Variants in GNA13 observed in about 807,000 individuals in gnomAD.
The protein encoded by GNA13 is guanine nucleotide-binding protein subunit alpha-13.
GNA13 carries 4 observed loss-of-function variants against 33.5 expected under a neutral mutation model. The observed-to-expected ratio is 0.12, with a 90% CI of 0.06 to 0.27. GNA13 has a LOEUF of 0.27. Ranked by LOEUF, GNA13 falls within the 10% of genes least tolerant of loss-of-function variation. The probability of loss-of-function intolerance (pLI) is 1.00; values close to 1 mark genes in which losing one functional copy is unlikely to be tolerated. For missense variants in GNA13, 319 were observed against 487.2 expected, an observed-to-expected ratio of 0.65 and a Z score of 3.25; for synonymous variants, 176 against 183.8, an observed-to-expected ratio of 0.96 and a Z score of 0.34.
intron 1 of GNA13, among the ~76,000 whole-genome samples, 161 bp downstream of exon 1, chr17:65,056,150 G>A (rs1294614496): frequency 1.3e-5 from 2 of 151,802 alleles, no homozygotes; most frequent in Non-Finnish European, 2.9e-5. Flanking sequence ...CCCCGGGCGG[G>A]CAGGGCCAGT....
At chr17:65,027,263 A>G (rs1906824119) in intron 2 of GNA13, among the ~76,000 whole-genome samples, 1 of 151,122 alleles carries the variant, frequency 6.6e-6, no homozygotes, top group South Asian at 2.1e-4. Flanking sequence ...CAAATCATCC[A>G]GATTTATTTA....
chr17:65,044,750 T>C (rs1907593049), intron 2 of GNA13, among the ~76,000 whole-genome samples: 1 of 151,772 alleles, frequency 6.6e-6, no homozygotes, highest in African/African-American at 2.4e-5. Flanking sequence ...TCAAAGGAGT[T>C]CATAAAAAGT....
chr17:65,026,218 A>G (rs922661845), intron 2 of GNA13, among the ~76,000 whole-genome samples: 1 of 151,538 alleles, frequency 6.6e-6, no homozygotes, highest in African/African-American at 2.4e-5. Flanking sequence ...AAAAAAAACC[A>G]TAAGACAACA....
At chr17:65,019,486 T>A (rs1424049635) in intron 2 of GNA13, among the ~76,000 whole-genome samples, 1 of 152,160 alleles carries the variant, frequency 6.6e-6, no homozygotes, top group Non-Finnish European at 1.5e-5. Context: ...CCTATTTAGC[T>A]ATAAAAAAGA....
intron 1 of GNA13, chr17:65,055,897 G>A (rs1908034309): frequency 8.0e-6 from 2 of 250,722 alleles, no homozygotes; most frequent in East Asian, 1.7e-4. Flanking sequence ...CACATCGCCC[G>A]AGCAGGGGAT....
At chr17:65,018,398 C>T in intron 2 of GNA13, 95 bp from the exon 3 acceptor site, 2 of 715,872 alleles carry the variant, frequency 2.8e-6, no homozygotes, top group Admixed American at 2.2e-5. Context: ...GTACACTTAA[C>T]CCAAACAGAC....
intron 2 of GNA13, among the ~76,000 whole-genome samples, chr17:65,037,777 G>GAAAAAAAATAAAAA (rs145051963): frequency 1.2e-5 from 1 of 82,042 alleles, no homozygotes; most frequent in Non-Finnish European, 2.1e-5. Context: ...CTACAAAAAT[G>GAAAAAAAATAAAAA]GAAAAAAAAA....
At chr17:65,031,015 T>C (rs375356156) in intron 2 of GNA13, among the ~76,000 whole-genome samples, 102 of 152,350 alleles carry the variant, frequency 6.7e-4, no homozygotes, top group Middle Eastern at 6.8e-3. Context: ...AACCTAAGTA[T>C]ACATGTGATT....
chr17:65,035,626 T>C (rs1019048383), intron 2 of GNA13, among the ~76,000 whole-genome samples: 5 of 152,204 alleles, frequency 3.3e-5, no homozygotes, highest in African/African-American at 1.2e-4. Flanking sequence ...CTCTTCAGTT[T>C]TCACATAATG....
intron 2 of GNA13, among the ~76,000 whole-genome samples, chr17:65,024,250 C>CA (rs1440401401): frequency 6.6e-6 from 1 of 151,654 alleles, no homozygotes; most frequent in Admixed American, 6.6e-5. Flanking sequence ...AGACCTTCTC[C>CA]AAAAAATAAA....
intron 2 of GNA13, among the ~76,000 whole-genome samples, chr17:65,026,294 G>C (rs1020454338): frequency 1.3e-5 from 2 of 151,212 alleles, no homozygotes; most frequent in African/African-American, 4.9e-5. Flanking sequence ...CTATCCCTCT[G>C]AGTCAGGTCA....
intron 3 of GNA13, among the ~76,000 whole-genome samples, chr17:65,015,662 T>TAAAAAA (rs59210481): frequency 2.7e-5 from 2 of 74,700 alleles, no homozygotes. Context: ...GACTTTGTCT[T>TAAAAAA]AAAAAAAAAA....
rs973992427 is a variant in GNA13 at position 65,034,258 on chromosome 17, G to T, written c.511-15955C>A. ...CATGAAATAAGAGCTTTTTTGGAAA[G>T]AACTTATTACATTATTCTAGAAATT... On this transcript the variant is annotated intron_variant, in intron 2 of 3. Coordinates refer to ENST00000439174, the MANE Select transcript of GNA13 (RefSeq NM_006572.6). 1.1e-4 allele frequency among the ~76,000 whole-genome samples: 17 copies of T among 151,966 alleles called. No homozygotes were observed. The East Asian group carries it at 3.3e-3, about 29-fold the overall frequency.
Position 65,012,415 on chromosome 17 carries a change from G to C in GNA13, c.*1842C>G, listed in dbSNP as rs1409917202. 1 of 221,590 alleles carries C rather than the reference G, an allele frequency of 4.5e-6. No homozygotes were observed. The highest frequency in any genetic ancestry group is 9.0e-6 in the Non-Finnish European group (1 of 110,862). The allele number at this position is 221,590 out of a possible 1,614,324, so 13.7% of individuals were successfully genotyped here. A position where few individuals can be genotyped will look rare whatever the true frequency, so the allele number is the denominator to read the frequency against. On this transcript the variant is annotated 3_prime_UTR_variant, in exon 4 of 4. Coordinates refer to ENST00000439174, the MANE Select transcript of GNA13 (RefSeq NM_006572.6). ...GAATTTAAACAATGTATTCTTTTTGGCAAGAAGCACTAGATGTAGAACTAT... is the reference window on the plus strand; with the variant it reads ...GAATTTAAACAATGTATTCTTTTTGCCAAGAAGCACTAGATGTAGAACTAT...
intron 2 of GNA13, among the ~76,000 whole-genome samples, chr17:65,028,334 G>A (rs898492177): frequency 6.6e-6 from 1 of 151,526 alleles, no homozygotes; most frequent in African/African-American, 2.4e-5. Context: ...GCTTGAATCC[G>A]GGAGGCAGAG....
At chr17:65,047,127 A>T (rs1300081695) in intron 2 of GNA13, among the ~76,000 whole-genome samples, 1 of 152,262 alleles carries the variant, frequency 6.6e-6, no homozygotes, top group African/African-American at 2.4e-5. Context: ...TTTTTAACGT[A>T]AATAAACATA....
rs745917724 is a variant in GNA13 at position 65,014,603 on chromosome 17, T to C, written c.788A>G (p.Asn263Ser). 2.9e-5 allele frequency: 46 copies of C among 1,613,914 alleles called. No individual in the cohort carries two copies. Among genetic ancestry groups the C allele is most frequent in the Non-Finnish European group, 3.4e-5 (40 of 1,179,870 alleles). ...AATGTTCAGAGACTCTGTAAGGCGA[T>C]TGGTCAGTCGATCTTCCATAAGCAC... ...DQVLMEDRLT[N>S]RLTESLNIFE... is the part of the protein sequence containing the mutation. Residue 263 changes from asparagine to serine, a missense_variant, in exon 4 of 4, where the codon AAT (asparagine) becomes AGT (serine). Asn to Ser is a conservative substitution (Grantham distance 46, BLOSUM62 1). Transcript: ENST00000439174. The surrounding 1 kb of genome is among the most constrained non-coding windows in gnomAD (Gnocchi z 5.3).
chr17:65,033,576 GTAAAA>G (rs1907132914), intron 2 of GNA13, among the ~76,000 whole-genome samples: 1 of 152,180 alleles, frequency 6.6e-6, no homozygotes, highest in East Asian at 1.9e-4. Context: ...TTCAGGAGGA[GTAAAA>G]TGTTCAGTTC....
At chr17:65,051,183 T>G (rs1907845233) in intron 2 of GNA13, among the ~76,000 whole-genome samples, 1 of 152,244 alleles carries the variant, frequency 6.6e-6, no homozygotes, top group Non-Finnish European at 1.5e-5. Flanking sequence ...TTAATCCATA[T>G]GCACTGTATG....
Sources: allele counts gnomAD v4.1 joint callset (sites outside exome capture counted in the v4.1 genomes callset), GRCh38; gene constraint gnomAD v4.1.1; non-coding constraint Gnocchi (gnomAD v3.1); transcripts MANE v1.5; gene names NCBI Gene and HGNC (gene_info 2026-07-23, HGNC 2026-07-21).